The following SLC12A2 variants were observed in gnomAD, a reference collection of about 807,000 sequenced individuals.
SLC12A2 encodes the protein solute carrier family 12 member 2.
SLC12A2 carries 67 observed loss-of-function variants against 136.3 expected under a neutral mutation model. The ratio of observed to expected loss-of-function variants is 0.49; its 90% CI spans 0.40 to 0.60. The LOEUF (loss-of-function observed/expected upper bound fraction) is 0.60, where lower values mean the gene tolerates loss of function less well. SLC12A2 is among the 20% of genes least tolerant of loss of function. SLC12A2 has a pLI of 0.00. For missense variants in SLC12A2, 1,322 were observed against 1,534.7 expected, an observed-to-expected ratio of 0.86 and a Z score of 2.32; for synonymous variants, 619 against 562.9, an observed-to-expected ratio of 1.10 and a Z score of -1.41.
intron 5 of SLC12A2, among the ~76,000 whole-genome samples, chr5:128,133,277 ATT>A (rs1762086681): frequency 6.6e-6 from 1 of 152,130 alleles, no homozygotes; most frequent in African/African-American, 2.4e-5. Context: ...TTGATTAAAT[ATT>A]AACACTTTCT....
intron 4 of SLC12A2, among the ~76,000 whole-genome samples, chr5:128,121,503 T>C: frequency 6.6e-6 from 1 of 152,008 alleles, no homozygotes; most frequent in Non-Finnish European, 1.5e-5. Context: ...TTTGTATTTT[T>C]AGTAGAGATG....
rs554786104 is a variant in SLC12A2 at position 128,131,043 on chromosome 5, T to TTTTG, written c.1049-8_1049-5dup. The TTTTG allele has an allele frequency of 2.2e-5, 35 of 1,608,302 alleles. 1 individual carries two copies. The highest frequency in any genetic ancestry group is 1.5e-4 in the South Asian group (14 of 90,500). On this transcript the variant is annotated intron_variant, in intron 4 of 26. Coordinates refer to ENST00000262461, the MANE Select transcript of SLC12A2 (RefSeq NM_001046.3). ...AAATCCTAACTTTAGTACCTGTTTT[T>TTTTG]TTTGTTTGTTTGTTTGTTTTTAGGA...
At chr5:128,088,787 A>G (rs199811409) in intron 1 of SLC12A2, among the ~76,000 whole-genome samples, 11 of 152,136 alleles carry the variant, frequency 7.2e-5, no homozygotes, top group Admixed American at 6.5e-4. Flanking sequence ...ATTGTCTTTC[A>G]TGTGTCACTT....
chr5:128,120,659 T>A (rs1322327499), intron 4 of SLC12A2, among the ~76,000 whole-genome samples: 1 of 150,816 alleles, frequency 6.6e-6, no homozygotes, highest in East Asian at 2.0e-4. Flanking sequence ...AATTGAACAA[T>A]GAGAACACAT....
chr5:128,101,172 A>G (rs933849438), intron 1 of SLC12A2, among the ~76,000 whole-genome samples: 2 of 152,174 alleles, frequency 1.3e-5, no homozygotes, highest in Non-Finnish European at 2.9e-5. Flanking sequence ...CACTGAATAC[A>G]CCAATCACCG....
intron 2 of SLC12A2, 123 bp from the exon 3 acceptor site, chr5:128,114,089 A>G: frequency 1.4e-6 from 1 of 716,688 alleles, no homozygotes; most frequent in Non-Finnish European, 2.4e-6. Context: ...TAGGAGTTAG[A>G]TTTAAAACTA....
chr5:128,090,373 G>A (rs1431196552), intron 1 of SLC12A2, among the ~76,000 whole-genome samples: 2 of 152,008 alleles, frequency 1.3e-5, no homozygotes, highest in Non-Finnish European at 2.9e-5. Flanking sequence ...GAGTTTCTTG[G>A]TTCTTATGTG....
In SLC12A2 at chr5:128,187,384, T is replaced by C. The variant is rs1763903141; in HGVS notation, c.*753T>C. The C allele has an allele frequency of 6.6e-6, 1 of 152,154 alleles. No individual in the cohort carries two copies. Among genetic ancestry groups the C allele is most frequent in the Non-Finnish European group, 1.5e-5 (1 of 68,002 alleles). 9.4% of individuals were successfully genotyped at this position (152,154 alleles called of 1,614,324 possible). On this transcript the variant is annotated 3_prime_UTR_variant, in exon 27 of 27. Transcript: ENST00000262461. The stretch of plus-strand genomic sequence containing the variant: ...ATTGAAGATTCATCCCATACTTCTA[T>C]ATACCATGCTTAAAAATCACGTCAT...
In SLC12A2 at chr5:128,147,642, A is replaced by C. The variant is rs745494973; in HGVS notation, c.1794A>C (p.Gly598=). ...TTAAGGTAATGAGTATGGTGTCAGG[A>C]TTTACACCACTAATTTCTGCAGGTA... ...NNFQVMSMVS[G]FTPLISAGIF... is the part of the protein sequence containing the mutation. Residue 598 remains glycine (G), a synonymous_variant, in exon 11 of 27, where the codon GGA becomes GGC. Transcript: ENST00000262461. 1 of 1,606,470 alleles carries C rather than the reference A, an allele frequency of 6.2e-7. No homozygotes were observed. The highest frequency in any genetic ancestry group is 1.3e-5 in the African/African-American group (1 of 74,754).
intron 20 of SLC12A2, among the ~76,000 whole-genome samples, chr5:128,175,745 T>C (rs935686430): frequency 1.3e-5 from 2 of 152,006 alleles, no homozygotes; most frequent in East Asian, 3.9e-4. Flanking sequence ...CTTACCTTTT[T>C]ATTGTAAAAA....
intron 15 of SLC12A2, among the ~76,000 whole-genome samples, chr5:128,154,456 T>C: frequency 6.6e-6 from 1 of 152,158 alleles, no homozygotes; most frequent in East Asian, 1.9e-4. Flanking sequence ...TTTTAATTTT[T>C]ATTAGAATTA....
chr5:128,094,388 A>T (rs1189567506), intron 1 of SLC12A2, among the ~76,000 whole-genome samples: 1 of 151,892 alleles, frequency 6.6e-6, no homozygotes, highest in Non-Finnish European at 1.5e-5. Context: ...TGTTTTGCGT[A>T]TGTGGTGTTT....
chr5:128,141,788 T>C (rs757341023), intron 9 of SLC12A2, 42 bp from the exon 10 acceptor site: 3 of 1,542,944 alleles, frequency 1.9e-6, no homozygotes, highest in East Asian at 2.3e-5. Context: ...GAAATGAATG[T>C]AGATATTAAC....
chr5:128,087,176 AAT>A (rs1250037888), intron 1 of SLC12A2, among the ~76,000 whole-genome samples: 1 of 152,226 alleles, frequency 6.6e-6, no homozygotes, highest in Non-Finnish European at 1.5e-5. Context: ...GGAAAAGATA[AAT>A]ATCCTTGGTG....
chr5:128,084,605 C>T lies in SLC12A2; in HGVS notation c.651C>T (p.Thr217=). 6.2e-7 allele frequency: 1 copy of T among 1,613,656 alleles called. No homozygotes were observed. Among genetic ancestry groups the T allele is most frequent in the Non-Finnish European group, 8.5e-7 (1 of 1,179,996 alleles). The change falls in exon 1 of 27, where the codon ACC becomes ACT. Residue 217 remains threonine (T), a synonymous_variant. Coordinates refer to ENST00000262461, the MANE Select transcript of SLC12A2 (RefSeq NM_001046.3). The surrounding 1 kb of genome is among the most constrained non-coding windows in gnomAD (Gnocchi z 5.6). ...TYYLRTFGHN[T]MDAVPRIDHY... ...ACCTGCGCACCTTCGGCCACAACAC[C>T]ATGGACGCTGTGCCCAGGATCGATC...
At chr5:128,126,959 T>TA (rs1761820403) in intron 4 of SLC12A2, among the ~76,000 whole-genome samples, 1 of 38,892 alleles carries the variant, frequency 2.6e-5, no homozygotes, top group Non-Finnish European at 4.7e-5. Context: ...TATATATATA[T>TA]ATATATATTT....
rs142881479 is a variant in SLC12A2 at position 128,155,658 on chromosome 5, T to C, written c.2364-2395T>C. Among the ~76,000 whole-genome samples the C allele has an allele frequency of 3.1e-4, 47 of 152,310 alleles. No homozygotes were observed. The East Asian group carries it at 9.1e-3, about 29-fold the overall frequency. On this transcript the variant is annotated intron_variant, in intron 15 of 26. Transcript: ENST00000262461. ...GTAGTTTCTTACTGTTTACTGTTTC[T>C]TTAATTTGGGTTTTGGGATTTAGCC...
intron 17 of SLC12A2, among the ~76,000 whole-genome samples, chr5:128,167,441 A>G (rs968584564): frequency 2.0e-5 from 3 of 152,164 alleles, no homozygotes; most frequent in Admixed American, 6.5e-5. Context: ...CCACTGTATT[A>G]TAATTTTTAA....
At chr5:128,096,120 A>T (rs1475632345) in intron 1 of SLC12A2, among the ~76,000 whole-genome samples, 2 of 152,144 alleles carry the variant, frequency 1.3e-5, no homozygotes, top group Non-Finnish European at 2.9e-5. Context: ...ACAGACTCAG[A>T]AGCTAGTATC....
Sources: gnomAD v4.1 joint callset for allele counts (sites outside exome capture counted in the v4.1 genomes callset) on GRCh38, gnomAD v4.1.1 for gene constraint, Gnocchi (gnomAD v3.1) non-coding constraint, MANE v1.5 for transcripts, NCBI Gene and HGNC (gene_info 2026-07-23, HGNC 2026-07-21) for gene names.